The following PCDHGA9 variants were observed in gnomAD, a reference collection of about 807,000 sequenced individuals.
PCDHGA9 encodes protocadherin gamma subfamily A, 9, also known as protocadherin gamma-A9.
Under a neutral mutation model 62.5 loss-of-function variants are expected in PCDHGA9, and 37 were observed. The observed-to-expected ratio is 0.59, with a 90% CI of 0.46 to 0.78. The LOEUF (loss-of-function observed/expected upper bound fraction) is 0.78. Ranked by LOEUF, PCDHGA9 falls within the 30% of genes least tolerant of loss-of-function variation. The pLI is 0.00. For synonymous variants in PCDHGA9, 459 were observed against 484.6 expected (o/e 0.95, Z 0.69); for missense variants, 1,138 against 1,166.2 (o/e 0.98, Z 0.35).
chr5:141,454,081 T>C (rs1009599234), intron 1 of PCDHGA9, among the ~76,000 whole-genome samples: 2 of 152,198 alleles, frequency 1.3e-5, no homozygotes, highest in African/African-American at 4.8e-5. Flanking sequence ...ATGTTTTCAG[T>C]GAAATTTGAA....
chr5:141,449,095 T>C (rs2098628347), intron 1 of PCDHGA9, among the ~76,000 whole-genome samples: 1 of 152,204 alleles, frequency 6.6e-6, no homozygotes. Flanking sequence ...AGTTTTTACA[T>C]ATGCAGTATA....
Position 141,486,054 on chromosome 5 carries a change from G to T in PCDHGA9, c.2425-8753G>T. The T allele has an allele frequency of 1.2e-6, 2 of 1,614,124 alleles. No homozygotes were observed. Among genetic ancestry groups the T allele is most frequent in the South Asian group, 1.1e-5 (1 of 91,072 alleles). On this transcript the variant is annotated intron_variant, in intron 1 of 3. Transcript: ENST00000573521. The surrounding 1 kb of genome is among the most constrained non-coding windows in gnomAD (Gnocchi z 5.0). The stretch of plus-strand genomic sequence containing the variant: ...CCTGATCGTGTAAGAAACCTCTTTA[G>T]CCTGCACCCCACTACTGGAAAGCTT...
intron 1 of PCDHGA9, among the ~76,000 whole-genome samples, chr5:141,456,690 C>T (rs893478646): frequency 7.2e-5 from 11 of 152,218 alleles, no homozygotes; most frequent in Admixed American, 5.2e-4. Flanking sequence ...ACTGGCCAGG[C>T]GTGGTGGCTC....
chr5:141,490,896 G>C lies in PCDHGA9; in HGVS notation c.2425-3911G>C. The stretch of plus-strand genomic sequence containing the variant: ...TGCATGCCAACACATCTCTGCATGT[G>C]TTTGTCCTAGACGAGAATGATAATG... On this transcript the variant is annotated intron_variant, in intron 1 of 3. Coordinates refer to ENST00000573521, the MANE Select transcript of PCDHGA9 (RefSeq NM_018921.3). This position sits in a 1 kb window ranked among gnomAD's most constrained non-coding sequence, Gnocchi z 5.4. 2.5e-6 allele frequency: 4 copies of C among 1,613,938 alleles called. No homozygotes were observed. The highest frequency in any genetic ancestry group is 3.4e-6 in the Non-Finnish European group (4 of 1,179,922).
rs749817501 is a variant in PCDHGA9 at position 141,423,756 on chromosome 5, G to GT, written c.2424+18380_2424+18381insT. ...GCCTGTTATGAAAACTGTTTGGGGGGGGGGTGGGGCGGCATATATTTAGTT... is the reference window on the plus strand; with the variant it reads ...GCCTGTTATGAAAACTGTTTGGGGGGTGGGGTGGGGCGGCATATATTTAGTT... On this transcript the variant is annotated intron_variant, in intron 1 of 3. Transcript: ENST00000573521. 9 of 448,538 alleles carry GT rather than the reference G, an allele frequency of 2.0e-5. 1 individual carries two copies. Among genetic ancestry groups the GT allele is most frequent in the African/African-American group, 2.8e-5 (1 of 35,670 alleles). 27.8% of individuals were successfully genotyped at this position (448,538 alleles called of 1,614,324 possible).
At chr5:141,508,664 T>C (rs1381178258) in intron 3 of PCDHGA9, among the ~76,000 whole-genome samples, 1 of 152,030 alleles carries the variant, frequency 6.6e-6, no homozygotes, top group Non-Finnish European at 1.5e-5. Context: ...TGTCATTCTG[T>C]CTCTGCCTCC....
chr5:141,498,093 G>T (rs975304630), intron 2 of PCDHGA9, among the ~76,000 whole-genome samples: 4 of 152,220 alleles, frequency 2.6e-5, no homozygotes, highest in Admixed American at 1.3e-4. Context: ...AATTGTATCT[G>T]GTGGTGTGGG....
chr5:141,468,330 C>CAAAAAAAAAAA (rs533390277), intron 1 of PCDHGA9: 4 of 79,798 alleles, frequency 5.0e-5, no homozygotes, highest in Non-Finnish European at 1.1e-4. Flanking sequence ...AACTCCATCT[C>CAAAAAAAAAAA]AAAAAAAAAA....
chr5:141,414,475 C>T (rs2095752413), intron 1 of PCDHGA9: 1 of 1,613,804 alleles, frequency 6.2e-7, no homozygotes, highest in Non-Finnish European at 8.5e-7. Flanking sequence ...TGGGGGAAGT[C>T]CTCCTCTATC....
chr5:141,404,489 G>C lies in PCDHGA9; in HGVS notation c.1537G>C (p.Val513Leu). Reference protein sequence around the residue: ...TYVSINSDTGVLYALCSFDYE... With the variant: ...TYVSINSDTGLLYALCSFDYE... ...TGTCTCTATTAACTCAGACACTGGT[G>C]TGCTGTATGCTCTGTGCTCCTTTGA... Residue 513 changes from valine to leucine, a missense_variant, in exon 1 of 4, where the codon GTG (valine) becomes CTG (leucine). Val to Leu is a conservative substitution (Grantham distance 32). Coordinates refer to ENST00000573521, the MANE Select transcript of PCDHGA9 (RefSeq NM_018921.3). The C allele has an allele frequency of 6.2e-7, 1 of 1,613,796 alleles. No individual in the cohort carries two copies. Among genetic ancestry groups the C allele is most frequent in the Non-Finnish European group, 8.5e-7 (1 of 1,179,762 alleles).
In PCDHGA9 at chr5:141,481,399, T is replaced by G. The variant is rs35677249; in HGVS notation, c.2425-13408T>G. 1.9e-3 allele frequency among the ~76,000 whole-genome samples: 284 copies of G among 152,356 alleles called. 1 individual carries two copies. Among genetic ancestry groups the G allele is most frequent in the Middle Eastern group, 0.01 (3 of 294 alleles). ...TTCTTTTTGGAGGGATGTGACAAAA[T>G]TCTTGTATAATTAGATTGTGATGAT... is the stretch of plus-strand genomic sequence containing the variant. On this transcript the variant is annotated intron_variant, in intron 1 of 3. Transcript: ENST00000573521.
chr5:141,426,270 G>A lies in PCDHGA9; in HGVS notation c.2424+20894G>A, dbSNP rs999517850. On this transcript the variant is annotated intron_variant, in intron 1 of 3. Coordinates refer to ENST00000573521, the MANE Select transcript of PCDHGA9 (RefSeq NM_018921.3). Reference sequence around the variant, plus strand: ...TTTTCTCTTAACGTCGGAGACTGCAGCAACGCATGGGAAGGATGGGAAACA... The same window carrying A: ...TTTTCTCTTAACGTCGGAGACTGCAACAACGCATGGGAAGGATGGGAAACA... 2.6e-4 allele frequency: 43 copies of A among 163,626 alleles called. 1 individual carries two copies. The highest frequency in any genetic ancestry group is 3.0e-3 in the Middle Eastern group (1 of 328). 10.1% of individuals were successfully genotyped at this position (163,626 alleles called of 1,614,324 possible).
intron 2 of PCDHGA9, among the ~76,000 whole-genome samples, chr5:141,503,608 AAAAAAAG>A (rs1483073868): frequency 3.3e-5 from 5 of 151,876 alleles, no homozygotes; most frequent in South Asian, 2.1e-4. Context: ...CAAAAAAAAA[AAAAAAAG>A]AAAAAAGAAA....
chr5:141,410,796 G>T, intron 1 of PCDHGA9: 19 of 640,732 alleles, frequency 3.0e-5, no homozygotes, highest in South Asian at 1.4e-4. Flanking sequence ...TTCATAAGTT[G>T]CTCTATCTTT....
intron 1 of PCDHGA9, among the ~76,000 whole-genome samples, chr5:141,426,040 G>C (rs1032424646): frequency 2.0e-5 from 3 of 152,212 alleles, no homozygotes; most frequent in African/African-American, 7.2e-5. Flanking sequence ...GAGCCCTGCT[G>C]TTGGCCAATG....
Position 141,404,806 on chromosome 5 carries a change from G to T in PCDHGA9, c.1854G>T (p.Ser618=), listed in dbSNP as rs774487660. The change falls in exon 1 of 4, where the codon TCG becomes TCT. Residue 618 remains serine (S), a synonymous_variant. Transcript: ENST00000573521. The part of the protein sequence containing the change: ...LFKASEPGLF[S]VGLHTGEVRT... ...AGGCCAGTGAGCCAGGGCTCTTCTC[G>T]GTGGGGCTGCACACAGGTGAAGTGC... is the stretch of plus-strand genomic sequence containing the variant. 1.2e-6 allele frequency: 2 copies of T among 1,613,992 alleles called. No individual in the cohort carries two copies. The highest frequency in any genetic ancestry group is 1.1e-5 in the South Asian group (1 of 91,068).
chr5:141,463,814 C>T (rs1359662651), intron 1 of PCDHGA9, among the ~76,000 whole-genome samples: 7 of 152,188 alleles, frequency 4.6e-5, no homozygotes, highest in African/African-American at 1.7e-4. Flanking sequence ...GCTTTTATCA[C>T]ACATTTTGAT....
chr5:141,487,718 A>G lies in PCDHGA9; in HGVS notation c.2425-7089A>G. Reference sequence around the variant, plus strand: ...TACTGGCCTCTCAGTAAGTGCCCATAGTGATGTCACCATTTTTGTAAGAGG... The same window carrying G: ...TACTGGCCTCTCAGTAAGTGCCCATGGTGATGTCACCATTTTTGTAAGAGG... On this transcript the variant is annotated intron_variant, in intron 1 of 3. Coordinates refer to ENST00000573521, the MANE Select transcript of PCDHGA9 (RefSeq NM_018921.3). The surrounding 1 kb of genome is among the most constrained non-coding windows in gnomAD (Gnocchi z 5.0). The G allele has an allele frequency of 1.3e-6, 2 of 1,580,268 alleles. No individual in the cohort carries two copies. The highest frequency in any genetic ancestry group is 1.7e-6 in the Non-Finnish European group (2 of 1,161,186).
In PCDHGA9 at chr5:141,489,734, A is replaced by G; in HGVS notation, c.2425-5073A>G. The G allele has an allele frequency of 6.2e-7, 1 of 1,614,164 alleles. No individual in the cohort carries two copies. Among genetic ancestry groups the G allele is most frequent in the Non-Finnish European group, 8.5e-7 (1 of 1,180,028 alleles). On this transcript the variant is annotated intron_variant, in intron 1 of 3. Transcript: ENST00000573521. This position sits in a 1 kb window ranked among gnomAD's most constrained non-coding sequence, Gnocchi z 4.5. ...GCCCAGGATCCGGATGTGGGCACCAATACTGTGAGCTTTTACACTCTAAGC... is the reference window on the plus strand; with the variant it reads ...GCCCAGGATCCGGATGTGGGCACCAGTACTGTGAGCTTTTACACTCTAAGC...
Sources: gnomAD v4.1 joint callset for allele counts (sites outside exome capture counted in the v4.1 genomes callset) on GRCh38, gnomAD v4.1.1 for gene constraint, Gnocchi (gnomAD v3.1) non-coding constraint, MANE v1.5 for transcripts, NCBI Gene and HGNC (gene_info 2026-07-23, HGNC 2026-07-21) for gene names.